Variants in FSTL4 observed in about 807,000 individuals in gnomAD.
The protein encoded by FSTL4 is follistatin-related protein 4.
FSTL4 carries 28 observed loss-of-function variants against 78.2 expected under a neutral mutation model. The ratio of observed to expected loss-of-function variants is 0.36; its 90% confidence interval spans 0.27 to 0.49. FSTL4 has a LOEUF of 0.49. Among genes scored for constraint, FSTL4 ranks in the 20% least tolerant of loss-of-function variants. FSTL4 has a pLI of 0.98. For missense variants in FSTL4, 922 were observed against 1,084.9 expected (o/e 0.85, Z 2.11); for synonymous variants, 422 against 440.5 (o/e 0.96, Z 0.53).
intron 4 of FSTL4, among the ~76,000 whole-genome samples, chr5:133,325,615 G>A (rs953737674): frequency 2.0e-5 from 3 of 152,124 alleles, no homozygotes; most frequent in African/African-American, 2.4e-5. Context: ...GGGATGGTGG[G>A]TCTGCTCTGA....
intron 3 of FSTL4, among the ~76,000 whole-genome samples, chr5:133,521,516 C>T (rs1041383491): frequency 1.3e-5 from 2 of 151,992 alleles, no homozygotes; most frequent in Non-Finnish European, 2.9e-5. Context: ...TCTTCAGCAC[C>T]GGGGAGAGTG....
chr5:133,535,502 C>T (rs946954908), intron 3 of FSTL4, among the ~76,000 whole-genome samples: 5 of 152,240 alleles, frequency 3.3e-5, no homozygotes, highest in Admixed American at 1.3e-4. Flanking sequence ...CCCGTCCCTT[C>T]GTTTCCCTTA....
the FSTL4 span, among the ~76,000 whole-genome samples, chr5:133,763,390 T>G: frequency 6.6e-6 from 1 of 152,246 alleles, no homozygotes; most frequent in African/African-American, 2.4e-5. Context: ...GATCATCAGC[T>G]TAGGGCACAG....
chr5:133,473,790 G>C (rs192122128), intron 3 of FSTL4, among the ~76,000 whole-genome samples: 1 of 152,154 alleles, frequency 6.6e-6, no homozygotes. Flanking sequence ...AATCATGGTA[G>C]AAGGCACCTC....
At chr5:133,598,024 G>A (rs1278851752) in intron 2 of FSTL4, among the ~76,000 whole-genome samples, 1 of 152,136 alleles carries the variant, frequency 6.6e-6, no homozygotes, top group African/African-American at 2.4e-5. Context: ...GAAAACAGGT[G>A]CAAATGACCC....
At chr5:133,721,350 A>G in the FSTL4 span, among the ~76,000 whole-genome samples, 5 of 152,194 alleles carry the variant, frequency 3.3e-5, no homozygotes, top group African/African-American at 1.2e-4. Context: ...GGATCTGGCT[A>G]CACATTTACC....
At chr5:133,510,480 C>A (rs746825299) in intron 3 of FSTL4, among the ~76,000 whole-genome samples, 25 of 152,134 alleles carry the variant, frequency 1.6e-4, no homozygotes, top group Admixed American at 4.6e-4. Flanking sequence ...GTCAGCTCTC[C>A]ACGATTCATT....
the FSTL4 span, among the ~76,000 whole-genome samples, chr5:133,697,864 C>T: frequency 7.9e-5 from 12 of 152,238 alleles, no homozygotes; most frequent in South Asian, 4.1e-4. Flanking sequence ...CTGGAGGGCA[C>T]GTGCCCGCTG....
At chr5:133,670,216 G>T in the FSTL4 span, among the ~76,000 whole-genome samples, 2 of 152,244 alleles carry the variant, frequency 1.3e-5, no homozygotes, top group East Asian at 1.9e-4. Flanking sequence ...AAACTCCACA[G>T]TGTTTTTAAT....
chr5:133,732,901 G>A, the FSTL4 span, among the ~76,000 whole-genome samples: 2 of 152,188 alleles, frequency 1.3e-5, no homozygotes, highest in African/African-American at 4.8e-5. Flanking sequence ...GATGCTGCCG[G>A]CTTTGACTTC....
chr5:133,507,121 T>C (rs576978063), intron 3 of FSTL4, among the ~76,000 whole-genome samples: 1 of 152,228 alleles, frequency 6.6e-6, no homozygotes, highest in Non-Finnish European at 1.5e-5. Flanking sequence ...GGCAGGAGAA[T>C]CGCTTGAACC....
chr5:133,573,169 G>A (rs771046586), intron 2 of FSTL4, among the ~76,000 whole-genome samples: 23 of 151,966 alleles, frequency 1.5e-4, no homozygotes, highest in African/African-American at 2.9e-4. Context: ...GCGTGAACCC[G>A]GGAGGCAGAG....
chr5:133,664,729 A>G, the FSTL4 span, among the ~76,000 whole-genome samples: 1 of 152,254 alleles, frequency 6.6e-6, no homozygotes. Flanking sequence ...ATAGCTCCCT[A>G]GAAAATGCCA....
At chr5:133,509,140 T>G (rs1406778015) in intron 3 of FSTL4, among the ~76,000 whole-genome samples, 1 of 152,146 alleles carries the variant, frequency 6.6e-6, no homozygotes, top group African/African-American at 2.4e-5. Context: ...GCAGGCCTAT[T>G]CCAGCCACCC....
At chr5:133,400,631 C>A (rs998587694) in intron 4 of FSTL4, 107 bp downstream of exon 4, 5 of 1,038,228 alleles carry the variant, frequency 4.8e-6, no homozygotes, top group African/African-American at 4.8e-5. Context: ...GTCTTTATTT[C>A]CTAAACATAT....
intron 4 of FSTL4, among the ~76,000 whole-genome samples, chr5:133,390,538 C>T (rs1397295655): frequency 3.3e-5 from 5 of 152,200 alleles, no homozygotes; most frequent in African/African-American, 4.8e-5. Context: ...GGGTGGTTCC[C>T]GGAGACCCAG....
At chr5:133,615,459 C>T (rs144938494), upstream of FSTL4, among the ~76,000 whole-genome samples, 62 of 152,320 alleles carry the variant, frequency 4.1e-4, no homozygotes, top group African/African-American at 1.4e-3. Context: ...GGGAGAGTCA[C>T]ACCTTTCCCA....
At chr5:133,358,529 C>G (rs191423746) in intron 4 of FSTL4, among the ~76,000 whole-genome samples, 2 of 151,838 alleles carry the variant, frequency 1.3e-5, no homozygotes, top group Non-Finnish European at 2.9e-5. Flanking sequence ...CCCTGAAGCC[C>G]GTGCTGCTGA....
the FSTL4 span, among the ~76,000 whole-genome samples, chr5:133,637,307 G>A: frequency 0.068 from 10,301 of 151,840 alleles, 416 homozygotes; most frequent in Admixed American, 0.14. Flanking sequence ...ATCTTGTAAC[G>A]TCATCTACGA....
Sources: allele counts gnomAD v4.1 joint callset (sites outside exome capture counted in the v4.1 genomes callset), GRCh38; gene constraint gnomAD v4.1.1; transcripts MANE v1.5; gene names NCBI Gene and HGNC (gene_info 2026-07-23, HGNC 2026-07-21).